The following NAV2 variants were observed in gnomAD, a reference collection of about 807,000 sequenced individuals.
NAV2 encodes the protein helicase, APC down-regulated 1.
A neutral mutation model predicts 223.2 loss-of-function variants in NAV2; 54 were observed. The ratio of observed to expected loss-of-function variants is 0.24; its 90% CI spans 0.19 to 0.30. NAV2 has a LOEUF of 0.30. Ranked by LOEUF, NAV2 falls within the 10% of genes least tolerant of loss-of-function variation. NAV2 has a pLI of 1.00. For synonymous variants in NAV2, 1,279 were observed against 1,239.3 expected, an observed-to-expected ratio of 1.03 and a Z score of -0.67; for missense variants, 2,806 against 3,147.5, an observed-to-expected ratio of 0.89 and a Z score of 2.60.
intron 11 of NAV2, among the ~76,000 whole-genome samples, chr11:20,020,113 A>G (rs542437418): frequency 5.3e-5 from 8 of 152,222 alleles, no homozygotes; most frequent in Non-Finnish European, 7.3e-5. Flanking sequence ...AAGTGTCTTC[A>G]CTAGCATTGT....
intron 1 of NAV2, among the ~76,000 whole-genome samples, chr11:19,357,139 A>G (rs1212398680): frequency 6.6e-6 from 1 of 152,232 alleles, no homozygotes; most frequent in Admixed American, 6.5e-5. Context: ...AGTGGTATGC[A>G]GTGCCAGCCT....
chr11:19,598,522 G>A (rs2046270832), intron 1 of NAV2, among the ~76,000 whole-genome samples: 1 of 152,202 alleles, frequency 6.6e-6, no homozygotes, highest in East Asian at 1.9e-4. Flanking sequence ...AGTGATCAGA[G>A]CTAACATGTG....
intron 1 of NAV2, among the ~76,000 whole-genome samples, chr11:19,683,029 G>A (rs1372374795): frequency 6.6e-6 from 1 of 152,230 alleles, no homozygotes; most frequent in Non-Finnish European, 1.5e-5. Context: ...ATTGTCAACT[G>A]TGCCACCCTG....
intron 1 of NAV2, among the ~76,000 whole-genome samples, chr11:19,567,715 A>C (rs1473749494): frequency 6.6e-6 from 1 of 151,948 alleles, no homozygotes; most frequent in African/African-American, 2.4e-5. Context: ...GATAGACCAC[A>C]TTCTTCCTTG....
intron 1 of NAV2, among the ~76,000 whole-genome samples, chr11:19,651,567 A>G (rs1016578163): frequency 6.6e-6 from 1 of 152,162 alleles, no homozygotes; most frequent in Non-Finnish European, 1.5e-5. Flanking sequence ...AGAGGTCAAG[A>G]TTCCCCTGTC....
intron 1 of NAV2, among the ~76,000 whole-genome samples, chr11:19,538,014 G>A (rs938760513): frequency 6.6e-6 from 1 of 152,216 alleles, no homozygotes; most frequent in Non-Finnish European, 1.5e-5. Flanking sequence ...GAGAAGGAGA[G>A]TCCAGAACTC....
At chr11:19,509,304 C>T (rs2702693) in intron 1 of NAV2, among the ~76,000 whole-genome samples, 2,328 of 152,084 alleles carry the variant, frequency 0.015, 56 homozygotes, top group African/African-American at 0.054. Flanking sequence ...TGTGTGCATG[C>T]GCATGCAAGT....
intron 1 of NAV2, among the ~76,000 whole-genome samples, chr11:19,725,540 C>A (rs190713203): frequency 2.0e-5 from 3 of 152,318 alleles, no homozygotes; most frequent in Non-Finnish European, 4.4e-5. Flanking sequence ...CTGGAAAGTA[C>A]TCCTAAACTA....
intron 1 of NAV2, among the ~76,000 whole-genome samples, chr11:19,427,734 G>A (rs894147211): frequency 6.6e-6 from 1 of 152,174 alleles, no homozygotes; most frequent in African/African-American, 2.4e-5. Flanking sequence ...GCATTTTGAT[G>A]TGATTTTACT....
intron 1 of NAV2, among the ~76,000 whole-genome samples, chr11:19,828,382 C>G (rs564344501): frequency 6.6e-6 from 1 of 151,886 alleles, no homozygotes; most frequent in Non-Finnish European, 1.5e-5. Flanking sequence ...AACCCCTATT[C>G]TACTTCGTCT....
At chr11:19,423,886 A>C (rs1850716980) in intron 1 of NAV2, among the ~76,000 whole-genome samples, 1 of 152,136 alleles carries the variant, frequency 6.6e-6, no homozygotes, top group South Asian at 2.1e-4. Flanking sequence ...ATAACTAGGA[A>C]GTTCTCTAGG....
At chr11:19,680,482 T>G (rs2048852536) in intron 1 of NAV2, among the ~76,000 whole-genome samples, 1 of 152,198 alleles carries the variant, frequency 6.6e-6, no homozygotes, top group Admixed American at 6.5e-5. Flanking sequence ...TAGGGCTGAA[T>G]GAGTGCTGGG....
intron 1 of NAV2, among the ~76,000 whole-genome samples, chr11:19,782,663 G>C (rs1421275891): frequency 6.6e-6 from 1 of 151,728 alleles, no homozygotes; most frequent in Non-Finnish European, 1.5e-5. Flanking sequence ...CCAGCCCAGA[G>C]ATCTGGGCTG....
intron 5 of NAV2, among the ~76,000 whole-genome samples, chr11:19,889,859 C>T (rs2707097): frequency 0.21 from 31,960 of 152,132 alleles, 3,575 homozygotes; most frequent in East Asian, 0.39. Context: ...ATGATGAGCC[C>T]TGCTCGCCGA....
intron 11 of NAV2, chr11:20,027,781 A>G (rs2153548857): frequency 6.6e-6 from 1 of 152,362 alleles, no homozygotes; most frequent in East Asian, 1.9e-4. Context: ...CCTTGAATAA[A>G]CAACATTATC....
chr11:20,009,525 T>G (rs1391004152), intron 11 of NAV2, among the ~76,000 whole-genome samples: 1 of 152,116 alleles, frequency 6.6e-6, no homozygotes, highest in African/African-American at 2.4e-5. Flanking sequence ...TTAGATAAAA[T>G]GCAAACAGCG....
intron 3 of NAV2, among the ~76,000 whole-genome samples, chr11:19,862,954 G>A (rs527467837): frequency 2.0e-5 from 3 of 152,212 alleles, no homozygotes; most frequent in Admixed American, 1.3e-4. Flanking sequence ...CAGAGGAAGG[G>A]GTATTAGAAG....
At chr11:19,583,855 C>T (rs1019933762) in intron 1 of NAV2, among the ~76,000 whole-genome samples, 6 of 152,182 alleles carry the variant, frequency 3.9e-5, no homozygotes, top group Admixed American at 3.9e-4. Context: ...TGTTGTGTCT[C>T]TGCCAGGCTT....
chr11:19,830,181 C>T (rs756947091), intron 1 of NAV2, among the ~76,000 whole-genome samples: 16 of 152,246 alleles, frequency 1.1e-4, no homozygotes, highest in East Asian at 1.9e-4. Context: ...GCCGAGATCA[C>T]GCCACTGCAC....
Sources: gnomAD v4.1 joint callset for allele counts (sites outside exome capture counted in the v4.1 genomes callset) on GRCh38, gnomAD v4.1.1 for gene constraint, MANE v1.5 for transcripts, NCBI Gene and HGNC (gene_info 2026-07-23, HGNC 2026-07-21) for gene names.